The following APBB1IP variants were observed in gnomAD, a reference collection of about 807,000 sequenced individuals.
APBB1IP encodes amyloid beta precursor protein binding family B member 1 interacting protein, also known as amyloid beta A4 precursor protein-binding family B member 1-interacting protein.
APBB1IP carries 27 observed loss-of-function variants against 64.9 expected under a neutral mutation model. The ratio of observed to expected loss-of-function variants is 0.42; its 90% CI spans 0.31 to 0.57. The LOEUF is 0.57. Ranked by LOEUF, APBB1IP falls within the 20% of genes least tolerant of loss-of-function variation. The pLI, the probability that APBB1IP is intolerant of heterozygous loss-of-function variation, is 0.20. For missense variants in APBB1IP, 812 were observed against 845.5 expected (o/e 0.96, Z 0.49); for synonymous variants, 392 against 331.0 (o/e 1.18, Z -2.00).
chr10:26,447,076 T>C (rs1183103564), intron 2 of APBB1IP, among the ~76,000 whole-genome samples: 2 of 152,054 alleles, frequency 1.3e-5, no homozygotes, highest in Admixed American at 1.3e-4. Context: ...GAGAAAGGTA[T>C]AGAAATGCCT....
chr10:26,458,164 G>A (rs1290665050), intron 2 of APBB1IP, among the ~76,000 whole-genome samples: 1 of 152,208 alleles, frequency 6.6e-6, no homozygotes, highest in African/African-American at 2.4e-5. Flanking sequence ...AAGGTCGGTG[G>A]ATCACTTGAG....
At chr10:26,486,427 CTA>C (rs1403690401) in intron 2 of APBB1IP, among the ~76,000 whole-genome samples, 4 of 152,104 alleles carry the variant, frequency 2.6e-5, no homozygotes, top group African/African-American at 9.7e-5. Context: ...GAGTAAGGGA[CTA>C]TGCCAAGGGT....
At chr10:26,525,478 A>T (rs1836462136) in intron 8 of APBB1IP, among the ~76,000 whole-genome samples, 1 of 151,970 alleles carries the variant, frequency 6.6e-6, no homozygotes, top group East Asian at 1.9e-4. Flanking sequence ...GGTGAGGAAA[A>T]GGTAAGACTT....
At position 26,536,221 on chromosome 10, in the gene APBB1IP, A is replaced by AT. The variant is rs1836621735; in HGVS notation, c.1044+4_1044+5insT. 17 of 1,476,254 alleles carry AT rather than the reference A, an allele frequency of 1.2e-5. No homozygotes were observed. The highest frequency in any genetic ancestry group is 2.4e-5 in the Admixed American group (1 of 41,202). The allele number at this position is 1,476,254 out of a possible 1,614,324, so 91.4% of individuals were successfully genotyped here. A position where few individuals can be genotyped will look rare whatever the true frequency, so the allele number is the denominator to read the frequency against. ...TGTACCCAAAGGAAAGACTAAGGTCAGAAAAAAAAAAAAAAAAGCACTTAG... is the reference window on the plus strand; with the variant it reads ...TGTACCCAAAGGAAAGACTAAGGTCATGAAAAAAAAAAAAAAAAGCACTTAG... On this transcript the variant is annotated splice_donor_region_variant and intron_variant, in intron 10 of 14. Coordinates refer to ENST00000376236, the MANE Select transcript of APBB1IP (RefSeq NM_019043.4).
chr10:26,512,016 C>A, intron 7 of APBB1IP, 110 bp downstream of exon 7: 1 of 1,213,122 alleles, frequency 8.2e-7, no homozygotes, highest in Non-Finnish European at 1.1e-6. Context: ...AAAAAATAGA[C>A]ACATGCTCTC....
chr10:26,481,826 CGTGTGTGTGTGTGTGTGT>C (rs71521683), intron 2 of APBB1IP, among the ~76,000 whole-genome samples: 3 of 143,248 alleles, frequency 2.1e-5, no homozygotes, highest in African/African-American at 7.7e-5. Flanking sequence ...CATCTCATTA[CGTGTGTGTGTGTGTGTGT>C]GTGTGTGTGT....
rs747655095 is a variant in APBB1IP at position 26,524,955 on chromosome 10, C to CTTTCTTTTTTTTTTTTTTTTTTTTTTT, written c.814-8481_814-8480insCTTTTTTTTTTTTTTTTTTTTTTTTTT. ...TCTTTTTCTTTCTCTTTCTTTCTTT[C>CTTTCTTTTTTTTTTTTTTTTTTTTTTT]TTTTTTTTTTTTTTTTTTTATAAAA... is the stretch of plus-strand genomic sequence containing the variant. On this transcript the variant is annotated intron_variant, in intron 8 of 14. Coordinates refer to ENST00000376236, the MANE Select transcript of APBB1IP (RefSeq NM_019043.4). Among the ~76,000 whole-genome samples, 31 of 73,954 alleles carry CTTTCTTTTTTTTTTTTTTTTTTTTTTT rather than the reference C, an allele frequency of 4.2e-4. 1 individual carries two copies. The highest frequency in any genetic ancestry group is 6.9e-4 in the African/African-American group (15 of 21,734). The allele number at this position is 73,954 out of a possible 152,430, so 48.5% of individuals were successfully genotyped here.
chr10:26,546,585 T>C (rs925308663), intron 11 of APBB1IP, among the ~76,000 whole-genome samples: 5 of 152,232 alleles, frequency 3.3e-5, no homozygotes, highest in African/African-American at 9.6e-5. Context: ...CAATGCATTA[T>C]TGTTAGCTAT....
rs562311415 is a variant in APBB1IP at position 26,452,943 on chromosome 10, TC to T, written c.-1+14091del. On this transcript the variant is annotated intron_variant, in intron 2 of 14. Coordinates refer to ENST00000376236, the MANE Select transcript of APBB1IP (RefSeq NM_019043.4). Reference sequence around the variant, plus strand: ...TGTTTCTGAGTATAACTCCTACTATTCTTTTTAATTAAGATATACTATCTTC... The same window carrying T: ...TGTTTCTGAGTATAACTCCTACTATTTTTTTAATTAAGATATACTATCTTC... 4.9e-4 allele frequency among the ~76,000 whole-genome samples: 75 copies of T among 152,376 alleles called. 2 individuals are homozygous for T. The East Asian group carries it at 0.014, about 29-fold the overall frequency.
intron 8 of APBB1IP, among the ~76,000 whole-genome samples, chr10:26,524,856 G>T (rs1348099862): frequency 7.3e-5 from 11 of 151,378 alleles, no homozygotes; most frequent in African/African-American, 2.4e-4. Context: ...GAGATTTTGT[G>T]GTTTATAGGT....
intron 8 of APBB1IP, among the ~76,000 whole-genome samples, chr10:26,531,300 C>CA (rs1282824145): frequency 6.6e-6 from 1 of 152,000 alleles, no homozygotes; most frequent in African/African-American, 2.4e-5. Context: ...TGCACCACAG[C>CA]ACTCCAGCCT....
At chr10:26,493,613 A>G (rs1039002268) in intron 3 of APBB1IP, among the ~76,000 whole-genome samples, 1 of 152,200 alleles carries the variant, frequency 6.6e-6, no homozygotes, top group Middle Eastern at 3.2e-3. Flanking sequence ...TTCTGATATA[A>G]TTGTGACAAT....
intron 5 of APBB1IP, chr10:26,501,547 G>A (rs1836100247): frequency 4.7e-6 from 1 of 211,220 alleles, no homozygotes; most frequent in Non-Finnish European, 9.6e-6. Context: ...GCCCTGTTCA[G>A]TAGGACAGGT....
intron 2 of APBB1IP, among the ~76,000 whole-genome samples, chr10:26,484,319 G>T (rs954781720): frequency 6.6e-6 from 1 of 151,954 alleles, no homozygotes; most frequent in African/African-American, 2.4e-5. Context: ...GTTTTGTTTT[G>T]TTTTGAGATG....
At chr10:26,561,180 T>C (rs1281596034) in intron 13 of APBB1IP, among the ~76,000 whole-genome samples, 2 of 142,762 alleles carry the variant, frequency 1.4e-5, no homozygotes, top group Non-Finnish European at 3.0e-5. Flanking sequence ...ACCGTTCTCC[T>C]GCCTCAGCCT....
intron 2 of APBB1IP, among the ~76,000 whole-genome samples, chr10:26,461,118 T>A (rs1467319002): frequency 6.7e-6 from 1 of 150,240 alleles, no homozygotes; most frequent in Non-Finnish European, 1.5e-5. Context: ...AGAGAGCCAG[T>A]CAAAAGTATC....
At chr10:26,519,444 G>A (rs1836375239) in intron 8 of APBB1IP, among the ~76,000 whole-genome samples, 1 of 152,164 alleles carries the variant, frequency 6.6e-6, no homozygotes, top group South Asian at 2.1e-4. Context: ...CATGGCTGGG[G>A]CAGGAGGAAG....
chr10:26,520,636 G>A (rs755856363), intron 8 of APBB1IP, among the ~76,000 whole-genome samples: 5 of 152,214 alleles, frequency 3.3e-5, no homozygotes, highest in South Asian at 4.1e-4. Context: ...TGATATGCTT[G>A]TGCAGGCATA....
At chr10:26,528,476 C>T (rs1260009658) in intron 8 of APBB1IP, among the ~76,000 whole-genome samples, 7 of 152,166 alleles carry the variant, frequency 4.6e-5, no homozygotes, top group African/African-American at 1.7e-4. Context: ...TCTTGACCAT[C>T]GCAGTCCATA....
Sources: gnomAD v4.1 joint callset for allele counts (sites outside exome capture counted in the v4.1 genomes callset) on GRCh38, gnomAD v4.1.1 for gene constraint, MANE v1.5 for transcripts, NCBI Gene and HGNC (gene_info 2026-07-23, HGNC 2026-07-21) for gene names.